Variants in DCC observed in about 807,000 individuals in gnomAD.
DCC encodes the protein DCC netrin 1 receptor, also known as netrin receptor DCC.
A neutral mutation model predicts 172.5 loss-of-function variants in DCC; 58 were observed. That is an observed-to-expected ratio of 0.34 (90% confidence interval 0.27 to 0.42). The LOEUF is 0.42. Ranked by LOEUF, DCC falls within the 10% of genes least tolerant of loss-of-function variation. The probability of loss-of-function intolerance (pLI) is 1.00; values close to 1 mark genes in which losing one functional copy is unlikely to be tolerated. For missense variants in DCC, 1,740 were observed against 1,791.0 expected, an observed-to-expected ratio of 0.97 and a Z score of 0.51; for synonymous variants, 709 against 644.5, an observed-to-expected ratio of 1.10 and a Z score of -1.52.
At chr18:53,271,141 C>G (rs1457665653) in intron 12 of DCC, among the ~76,000 whole-genome samples, 1 of 152,094 alleles carries the variant, frequency 6.6e-6, no homozygotes, top group African/African-American at 2.4e-5. Flanking sequence ...CTATATAATA[C>G]TAGAGTGTTT....
intron 7 of DCC, among the ~76,000 whole-genome samples, chr18:53,068,373 A>T (rs1426798292): frequency 2.0e-5 from 3 of 150,424 alleles, no homozygotes; most frequent in Non-Finnish European, 4.4e-5. Context: ...TTAACTCGTC[A>T]TTTAGCATTA....
At chr18:53,164,028 T>A (rs927876685) in intron 8 of DCC, among the ~76,000 whole-genome samples, 4 of 152,206 alleles carry the variant, frequency 2.6e-5, no homozygotes, top group African/African-American at 9.7e-5. Context: ...GAACTAGAAT[T>A]TCGTGCAGAC....
intron 7 of DCC, among the ~76,000 whole-genome samples, chr18:53,128,282 GT>G (rs1414561469): frequency 6.6e-6 from 1 of 152,044 alleles, no homozygotes; most frequent in East Asian, 1.9e-4. Context: ...TTGTCTCTAA[GT>G]TTTTATTGGT....
At chr18:52,511,074 G>A (rs1283725472) in intron 1 of DCC, among the ~76,000 whole-genome samples, 1 of 152,114 alleles carries the variant, frequency 6.6e-6, no homozygotes, top group Non-Finnish European at 1.5e-5. Flanking sequence ...AGGATCAGGA[G>A]ATCGAAACTA....
intron 10 of DCC, 70 bp downstream of exon 10, chr18:53,205,434 T>A (rs1598904196): frequency 6.7e-7 from 1 of 1,486,246 alleles, no homozygotes. Flanking sequence ...GCTCTAGGGC[T>A]GGAGAAATAG....
chr18:53,316,522 G>C (rs2057345835), intron 13 of DCC, among the ~76,000 whole-genome samples: 1 of 151,660 alleles, frequency 6.6e-6, no homozygotes, highest in African/African-American at 2.4e-5. Context: ...AACAGGAATA[G>C]CATTGAATCT....
At chr18:52,465,942 C>T (rs746433137) in intron 1 of DCC, among the ~76,000 whole-genome samples, 5 of 152,176 alleles carry the variant, frequency 3.3e-5, no homozygotes, top group Non-Finnish European at 7.4e-5. Flanking sequence ...GATTATACAT[C>T]GTGCTCATTT....
Position 52,495,637 on chromosome 18 carries a change from T to C in DCC, c.91+154759T>C, listed in dbSNP as rs116851437. Among the ~76,000 whole-genome samples, 643 of 152,280 alleles carry C rather than the reference T, an allele frequency of 4.2e-3. 7 individuals are homozygous for C. The highest frequency in any genetic ancestry group is 7.4e-3 in the Admixed American group (113 of 15,268). On this transcript the variant is annotated intron_variant, in intron 1 of 28. Coordinates refer to ENST00000442544, the MANE Select transcript of DCC (RefSeq NM_005215.4). ...TCCATCTTGCCCGAAACAGCAGAAATTTCAAACAATGTCATTTTACAAAGT... is the reference window on the plus strand; with the variant it reads ...TCCATCTTGCCCGAAACAGCAGAAACTTCAAACAATGTCATTTTACAAAGT...
At chr18:53,044,857 C>T (rs2042215148) in intron 5 of DCC, among the ~76,000 whole-genome samples, 1 of 151,704 alleles carries the variant, frequency 6.6e-6, no homozygotes, top group African/African-American at 2.4e-5. Context: ...AAAGGCATGT[C>T]AACGAGTGCA....
chr18:52,457,441 A>T (rs949629071), intron 1 of DCC, among the ~76,000 whole-genome samples: 7 of 152,212 alleles, frequency 4.6e-5, no homozygotes, highest in South Asian at 2.1e-4. Flanking sequence ...TTTAGAGATG[A>T]TGGGCACAGG....
chr18:52,416,474 G>A (rs1201972358), intron 1 of DCC, among the ~76,000 whole-genome samples: 5 of 151,994 alleles, frequency 3.3e-5, no homozygotes, highest in Admixed American at 6.6e-5. Context: ...ACAGTGGGGT[G>A]TTAAAGTCTC....
intron 15 of DCC, among the ~76,000 whole-genome samples, chr18:53,352,670 C>T (rs1198358040): frequency 6.6e-6 from 1 of 152,048 alleles, no homozygotes; most frequent in African/African-American, 2.4e-5. Flanking sequence ...TCATCATATC[C>T]AATCTGTCAA....
chr18:52,931,262 G>A (rs923902727), intron 5 of DCC, among the ~76,000 whole-genome samples: 1 of 151,902 alleles, frequency 6.6e-6, no homozygotes, highest in African/African-American at 2.4e-5. Context: ...TGAATTTATT[G>A]CCTTCTTAAA....
intron 1 of DCC, among the ~76,000 whole-genome samples, chr18:52,671,247 A>G (rs2035547310): frequency 6.6e-6 from 1 of 152,172 alleles, no homozygotes; most frequent in South Asian, 2.1e-4. Flanking sequence ...TGGAGGCTTC[A>G]AGGAACTCAC....
chr18:52,403,732 G>C (rs1002329159), intron 1 of DCC, among the ~76,000 whole-genome samples: 16 of 151,954 alleles, frequency 1.1e-4, no homozygotes, highest in African/African-American at 3.6e-4. Flanking sequence ...TGTGTTCAAA[G>C]CATAACCCTT....
intron 1 of DCC, among the ~76,000 whole-genome samples, chr18:52,585,312 G>A (rs1244324265): frequency 6.6e-6 from 1 of 152,166 alleles, no homozygotes; most frequent in East Asian, 1.9e-4. Context: ...TACATAGCCA[G>A]ACAGAAAACA....
chr18:53,162,253 C>T (rs564036849), intron 8 of DCC, among the ~76,000 whole-genome samples: 89 of 145,732 alleles, frequency 6.1e-4, no homozygotes, highest in African/African-American at 2.1e-3. Context: ...GAGCCGAGAT[C>T]GTGCTACTGC....
rs1486541584 is a variant in DCC, at chr18:53,402,830, G to A, written c.2872G>A (p.Gly958Arg). 6.2e-7 allele frequency: 1 copy of A among 1,614,104 alleles called. No homozygotes were observed. Among genetic ancestry groups the A allele is most frequent in the Non-Finnish European group, 8.5e-7 (1 of 1,179,990 alleles). The change falls in exon 19 of 29, where the codon GGG becomes AGG. Residue 958 changes from glycine (G) to arginine (R), a missense_variant. Physicochemically the swap from Gly to Arg is moderately radical, Grantham distance 125. Coordinates refer to ENST00000442544, the MANE Select transcript of DCC (RefSeq NM_005215.4). ...GGACTTGACAGTCATTACTAGGGAAGGGAAGCCTCGTGCCGTCATTGTGAG... is the reference window on the plus strand; with the variant it reads ...GGACTTGACAGTCATTACTAGGGAAAGGAAGCCTCGTGCCGTCATTGTGAG... The part of the protein sequence containing the change: ...PKDLTVITRE[G>R]KPRAVIVSWQ...
At chr18:52,677,792 C>T (rs1047286096) in intron 1 of DCC, among the ~76,000 whole-genome samples, 15 of 152,262 alleles carry the variant, frequency 9.9e-5, no homozygotes, top group African/African-American at 3.1e-4. Flanking sequence ...TCCACATGAA[C>T]GCATTCCATT....
Sources: gnomAD v4.1 joint callset for allele counts (sites outside exome capture counted in the v4.1 genomes callset) on GRCh38, gnomAD v4.1.1 for gene constraint, MANE v1.5 for transcripts, NCBI Gene and HGNC (gene_info 2026-07-23, HGNC 2026-07-21) for gene names.